The following STXBP5L variants were observed in gnomAD, a reference collection of about 807,000 sequenced individuals.
STXBP5L encodes the protein syntaxin binding protein 5L.
A neutral mutation model predicts 144.5 loss-of-function variants in STXBP5L; 65 were observed. The ratio of observed to expected loss-of-function variants is 0.45; its 90% CI spans 0.37 to 0.55. The LOEUF is 0.55. Among genes scored for constraint, STXBP5L ranks in the 20% least tolerant of loss-of-function variants. The probability of loss-of-function intolerance (pLI) is 0.00; values close to 1 mark genes in which losing one functional copy is unlikely to be tolerated. For synonymous variants in STXBP5L, 505 were observed against 469.6 expected, an observed-to-expected ratio of 1.08 and a Z score of -0.97; for missense variants, 1,298 against 1,405.5, an observed-to-expected ratio of 0.92 and a Z score of 1.22.
intron 6 of STXBP5L, among the ~76,000 whole-genome samples, chr3:121,118,330 G>T (rs1352608294): frequency 1.3e-5 from 2 of 151,750 alleles, no homozygotes; most frequent in African/African-American, 2.4e-5. Flanking sequence ...GATCCAAGGG[G>T]TGAGTTTCAG....
At chr3:121,258,952 T>C in intron 17 of STXBP5L, 91 bp from the exon 18 acceptor site, 9 of 1,311,170 alleles carry the variant, frequency 6.9e-6, no homozygotes, top group Non-Finnish European at 9.0e-6. Flanking sequence ...GTGTTGTATA[T>C]TTCTGTAGCA....
intron 19 of STXBP5L, among the ~76,000 whole-genome samples, chr3:121,306,747 G>C (rs1035161382): frequency 6.6e-6 from 1 of 152,142 alleles, no homozygotes; most frequent in Non-Finnish European, 1.5e-5. Context: ...CAATGAACGA[G>C]ACTGCTAAGA....
chr3:120,976,965 C>A, intron 3 of STXBP5L, among the ~76,000 whole-genome samples: 1 of 152,030 alleles, frequency 6.6e-6, no homozygotes. Context: ...TTACTTCCAA[C>A]TATGTGGTCA....
rs200088147 is a variant in STXBP5L at position 121,319,093 on chromosome 3, T to TA, written c.2176+562dup. ...GATAAATCTTTAAGGTACTGTCTGT[T>TA]AAAAAAAAAGTTAACAGTTATTTTT... On this transcript the variant is annotated intron_variant, in intron 20 of 26. Transcript: ENST00000471454. Among the ~76,000 whole-genome samples, 845 of 151,550 alleles carry TA rather than the reference T, an allele frequency of 5.6e-3. 3 individuals are homozygous for TA. The highest frequency in any genetic ancestry group is 0.024 in the Middle Eastern group (7 of 294).
rs142483691 is a variant in STXBP5L at position 120,978,221 on chromosome 3, T to G, written c.287+23184T>G. Among the ~76,000 whole-genome samples the G allele has an allele frequency of 4.5e-3, 689 of 152,334 alleles. 4 individuals are homozygous for G. The highest frequency in any genetic ancestry group is 0.016 in the African/African-American group (659 of 41,584). On this transcript the variant is annotated intron_variant, in intron 3 of 26. Coordinates refer to ENST00000471454, the MANE Select transcript of STXBP5L (RefSeq NM_001308330.2). Reference sequence around the variant, plus strand: ...TTCCGTCTTTTCACCTAGTCCCATATTTCTTGGAGGCTTTGTTCGTTTCTT... The same window carrying G: ...TTCCGTCTTTTCACCTAGTCCCATAGTTCTTGGAGGCTTTGTTCGTTTCTT...
chr3:120,982,660 A>G (rs1360535316), intron 3 of STXBP5L, among the ~76,000 whole-genome samples: 1 of 152,150 alleles, frequency 6.6e-6, no homozygotes, highest in Non-Finnish European at 1.5e-5. Context: ...CTGGCCTCCA[A>G]TGCAGGAACA....
At chr3:120,999,985 G>A (rs1427666116) in intron 3 of STXBP5L, among the ~76,000 whole-genome samples, 3 of 152,150 alleles carry the variant, frequency 2.0e-5, no homozygotes, top group African/African-American at 4.8e-5. Context: ...TCTGCTGTTA[G>A]CCTGATGGGG....
At chr3:121,295,047 G>A (rs1483322852) in intron 19 of STXBP5L, among the ~76,000 whole-genome samples, 1 of 152,124 alleles carries the variant, frequency 6.6e-6, no homozygotes, top group Non-Finnish European at 1.5e-5. Flanking sequence ...AAGGGGTGCT[G>A]AAAAATAGAT....
At chr3:120,974,004 G>A (rs549107497) in intron 3 of STXBP5L, among the ~76,000 whole-genome samples, 8 of 152,192 alleles carry the variant, frequency 5.3e-5, no homozygotes, top group East Asian at 1.9e-4. Flanking sequence ...ATAAACATAC[G>A]TGTGCATGTG....
intron 20 of STXBP5L, among the ~76,000 whole-genome samples, chr3:121,377,049 G>A (rs1462903029): frequency 1.3e-5 from 2 of 152,156 alleles, no homozygotes; most frequent in African/African-American, 2.4e-5. Flanking sequence ...TGGTGTATAG[G>A]ATTGCTTGTG....
At chr3:121,065,395 T>C (rs979986650) in intron 5 of STXBP5L, among the ~76,000 whole-genome samples, 5 of 152,272 alleles carry the variant, frequency 3.3e-5, no homozygotes, top group Admixed American at 3.3e-4. Flanking sequence ...ATACATTATA[T>C]AAACACACAC....
intron 9 of STXBP5L, among the ~76,000 whole-genome samples, chr3:121,200,058 G>A (rs1191292): frequency 0.48 from 72,244 of 151,912 alleles, 17,735 homozygotes; most frequent in East Asian, 0.73. Context: ...AGAAGGAATG[G>A]TTCCAGCTCC....
At chr3:121,012,675 T>A (rs1217868623) in intron 3 of STXBP5L, among the ~76,000 whole-genome samples, 1 of 151,802 alleles carries the variant, frequency 6.6e-6, no homozygotes, top group African/African-American at 2.4e-5. Context: ...ATTTGGGTAA[T>A]TATTATTGTT....
chr3:121,251,192 C>A (rs1423156330), intron 15 of STXBP5L, among the ~76,000 whole-genome samples: 1 of 152,158 alleles, frequency 6.6e-6, no homozygotes, highest in Admixed American at 6.5e-5. Context: ...ACTATAAGAA[C>A]TCTTTTTAAA....
chr3:120,984,490 A>T (rs571666432), intron 3 of STXBP5L, among the ~76,000 whole-genome samples: 43 of 151,720 alleles, frequency 2.8e-4, no homozygotes, highest in African/African-American at 8.9e-4. Flanking sequence ...TATTTTGCTC[A>T]ATTCATTTAT....
intron 20 of STXBP5L, among the ~76,000 whole-genome samples, chr3:121,344,704 T>TATAC (rs2044880954): frequency 6.6e-6 from 1 of 151,874 alleles, no homozygotes; most frequent in Non-Finnish European, 1.5e-5. Context: ...AGTTAATAAT[T>TATAC]CTATAACTAT....
chr3:121,186,414 T>C (rs2047383712), intron 9 of STXBP5L, among the ~76,000 whole-genome samples: 1 of 151,666 alleles, frequency 6.6e-6, no homozygotes, highest in Admixed American at 6.6e-5. Context: ...GCCCATTCAG[T>C]ATATTGACTG....
intron 2 of STXBP5L, among the ~76,000 whole-genome samples, chr3:120,941,840 G>A (rs554673502): frequency 8.6e-5 from 13 of 151,660 alleles, no homozygotes; most frequent in African/African-American, 2.4e-4. Context: ...CATATCATTC[G>A]TCAATAACTT....
At chr3:120,940,844 A>G (rs12493977) in intron 2 of STXBP5L, among the ~76,000 whole-genome samples, 14,985 of 151,530 alleles carry the variant, frequency 0.099, 1,170 homozygotes, top group Admixed American at 0.2. Flanking sequence ...ATACTTTTCA[A>G]TGGCAAGAAT....
Sources: gnomAD v4.1 joint callset for allele counts (sites outside exome capture counted in the v4.1 genomes callset) on GRCh38, gnomAD v4.1.1 for gene constraint, MANE v1.5 for transcripts, NCBI Gene and HGNC (gene_info 2026-07-23, HGNC 2026-07-21) for gene names.